PTPN4: variants seen among roughly 807,000 people sequenced by gnomAD.
PTPN4 encodes protein tyrosine phosphatase non-receptor type 4, also known as tyrosine-protein phosphatase non-receptor type 4.
Under a neutral mutation model 135.5 loss-of-function variants are expected in PTPN4, and 49 were observed. The observed-to-expected ratio is 0.36, with a 90% CI of 0.29 to 0.46. The LOEUF (loss-of-function observed/expected upper bound fraction) is 0.46. Ranked by LOEUF, PTPN4 falls within the 20% of genes least tolerant of loss-of-function variation. The probability of loss-of-function intolerance (pLI) is 1.00; values close to 1 mark genes in which losing one functional copy is unlikely to be tolerated. For synonymous variants in PTPN4, 333 were observed against 369.9 expected, an observed-to-expected ratio of 0.90 and a Z score of 1.14; for missense variants, 860 against 1,101.0, an observed-to-expected ratio of 0.78 and a Z score of 3.10.
chr2:119,924,781 C>T (rs1327031331), intron 12 of PTPN4, among the ~76,000 whole-genome samples: 1 of 152,018 alleles, frequency 6.6e-6, no homozygotes, highest in Non-Finnish European at 1.5e-5. Flanking sequence ...AATAGTATCC[C>T]ATTTGAATCT....
intron 1 of PTPN4, among the ~76,000 whole-genome samples, chr2:119,770,079 C>G (rs988158044): frequency 2.0e-5 from 3 of 152,126 alleles, no homozygotes; most frequent in South Asian, 2.1e-4. Flanking sequence ...GAGGGAAATC[C>G]AATCCAGGGC....
chr2:119,884,189 C>T (rs1319214491), intron 8 of PTPN4, among the ~76,000 whole-genome samples: 1 of 152,238 alleles, frequency 6.6e-6, no homozygotes, highest in Non-Finnish European at 1.5e-5. Flanking sequence ...TGAGCCACCA[C>T]GCCCAGCCCC....
chr2:119,931,505 C>T (rs549059741), intron 13 of PTPN4, among the ~76,000 whole-genome samples: 67 of 131,840 alleles, frequency 5.1e-4, no homozygotes, highest in African/African-American at 1.9e-3. Flanking sequence ...TGCAGTGGTG[C>T]TATCACAGCT....
At chr2:119,814,097 G>A (rs990674120) in intron 2 of PTPN4, among the ~76,000 whole-genome samples, 1 of 152,080 alleles carries the variant, frequency 6.6e-6, no homozygotes, top group Non-Finnish European at 1.5e-5. Context: ...ATAAGTGTAT[G>A]TATGTACATG....
intron 2 of PTPN4, among the ~76,000 whole-genome samples, chr2:119,853,223 G>A (rs1340469348): frequency 6.6e-6 from 1 of 152,154 alleles, no homozygotes. Context: ...TGCTGAGAGA[G>A]GGATGTTGAC....
chr2:119,817,657 C>T (rs568706365), intron 2 of PTPN4, among the ~76,000 whole-genome samples: 14 of 152,090 alleles, frequency 9.2e-5, no homozygotes, highest in South Asian at 4.2e-4. Flanking sequence ...GGCTCTTCTT[C>T]GGCTTCATAT....
chr2:119,920,235 G>C lies in PTPN4; in HGVS notation c.995G>C (p.Arg332Pro). 6.2e-7 allele frequency: 1 copy of C among 1,607,600 alleles called. No homozygotes were observed. Among genetic ancestry groups the C allele is most frequent in the Non-Finnish European group, 8.5e-7 (1 of 1,176,000 alleles). Reference protein sequence around the residue: ...AHYFTLGSKFRYCGRTEVQSV... With the variant: ...AHYFTLGSKFPYCGRTEVQSV... ...TATTTTACATTAGGTTCAAAATTCCGGTACTGGTAAGTATTGCTTCTGTGT... is the reference window on the plus strand; with the variant it reads ...TATTTTACATTAGGTTCAAAATTCCCGTACTGGTAAGTATTGCTTCTGTGT... Residue 332 changes from arginine to proline, a missense_variant, in exon 12 of 27, where the codon CGG (arginine) becomes CCG (proline). Around this residue, in one of 2 missense-constraint regions of PTPN4, gnomAD observed 684 missense variants for 807.0 expected, o/e 0.85. Transcript: ENST00000263708.
intron 1 of PTPN4, among the ~76,000 whole-genome samples, chr2:119,774,526 C>A (rs1391424194): frequency 6.6e-6 from 1 of 152,048 alleles, no homozygotes; most frequent in Non-Finnish European, 1.5e-5. Context: ...TAGAAAGGCA[C>A]ACGTATAGAC....
chr2:119,839,738 G>T (rs1265101542), intron 2 of PTPN4, among the ~76,000 whole-genome samples: 1 of 152,082 alleles, frequency 6.6e-6, no homozygotes, highest in Non-Finnish European at 1.5e-5. Flanking sequence ...TGAAATTATT[G>T]TACAAAATAC....
intron 2 of PTPN4, among the ~76,000 whole-genome samples, chr2:119,818,986 C>T (rs1160532660): frequency 2.6e-5 from 4 of 152,330 alleles, no homozygotes; most frequent in South Asian, 2.1e-4. Flanking sequence ...TGTGTACGCA[C>T]ATCCTATGAA....
At position 119,983,754 on chromosome 2, in the gene PTPN4, G is replaced by A. The variant is rs1679727061; in HGVS notation, c.*6684G>A. 1 of 152,172 alleles carries A rather than the reference G, an allele frequency of 6.6e-6. No homozygotes were observed. The highest frequency in any genetic ancestry group is 1.5e-5 in the Non-Finnish European group (1 of 68,034). 9.4% of individuals were successfully genotyped at this position (152,172 alleles called of 1,614,324 possible). On this transcript the variant is annotated 3_prime_UTR_variant, in exon 27 of 27. Transcript: ENST00000263708. ...TTTAAGAGCAACTTGTGTGATCTTA[G>A]CTTTGCAGGTTTTCTGTAATTTATG...
intron 13 of PTPN4, among the ~76,000 whole-genome samples, chr2:119,930,186 T>C (rs543628742): frequency 6.6e-6 from 1 of 152,242 alleles, no homozygotes; most frequent in Admixed American, 6.5e-5. Flanking sequence ...TGGGAAATGT[T>C]CACACCTAAA....
intron 1 of PTPN4, among the ~76,000 whole-genome samples, chr2:119,761,050 A>G (rs189551400): frequency 6.6e-6 from 1 of 152,152 alleles, no homozygotes; most frequent in East Asian, 1.9e-4. Flanking sequence ...ATGTACAAGG[A>G]CGATTTGTAG....
At chr2:119,773,680 G>A (rs1192828987) in intron 1 of PTPN4, among the ~76,000 whole-genome samples, 1 of 149,268 alleles carries the variant, frequency 6.7e-6, no homozygotes, top group Admixed American at 6.7e-5. Context: ...AGGTTGCAGT[G>A]AGCCGAGATC....
intron 16 of PTPN4, 58 bp from the exon 17 acceptor site, chr2:119,946,283 C>T (rs929908593): frequency 7.7e-7 from 1 of 1,301,948 alleles, no homozygotes; most frequent in Non-Finnish European, 1.1e-6. Flanking sequence ...TCCTATATAT[C>T]TGAAGAATAG....
Position 119,957,056 on chromosome 2 carries a change from C to T in PTPN4, c.2112C>T (p.Tyr704=), listed in dbSNP as rs1402058068. The T allele has an allele frequency of 1.2e-6, 2 of 1,609,756 alleles. No individual in the cohort carries two copies. Among genetic ancestry groups the T allele is most frequent in the Admixed American group, 3.4e-5 (2 of 59,584 alleles). The change falls in exon 22 of 27, where the codon TAC becomes TAT. Residue 704 remains tyrosine (Y), a synonymous_variant. Transcript: ENST00000263708. ...TCATTTTAAAAGGTAATGAAGACTA[C>T]ATCAATGCGAACTATATAAATGTAA... The part of the protein sequence containing the change: ...TRVILKGNED[Y]INANYINMEI...
At chr2:119,965,107 C>T (rs1679427039) in intron 24 of PTPN4, among the ~76,000 whole-genome samples, 1 of 152,092 alleles carries the variant, frequency 6.6e-6, no homozygotes, top group African/African-American at 2.4e-5. Context: ...TGGATGAAAT[C>T]ATCAGGAGGT....
intron 1 of PTPN4, among the ~76,000 whole-genome samples, chr2:119,807,702 A>G (rs991292302): frequency 2.6e-5 from 4 of 152,148 alleles, no homozygotes; most frequent in Admixed American, 2.6e-4. Context: ...AGAAAAAGAG[A>G]GAATCCTCCC....
rs1266350396 is a variant in PTPN4 at position 119,921,467 on chromosome 2, G to GGATA, written c.1001+1227_1001+1230dup. ...AAATAACAGTATGAAGCTTAGTACAGGATATGTCACTTGAAATACATGACT... is the reference window on the plus strand; with the variant it reads ...AAATAACAGTATGAAGCTTAGTACAGGATAGATATGTCACTTGAAATACATGACT... On this transcript the variant is annotated intron_variant, in intron 12 of 26. Transcript: ENST00000263708. Among the ~76,000 whole-genome samples, 3 of 152,076 alleles carry GGATA rather than the reference G, an allele frequency of 2.0e-5. 1 individual carries two copies. Among genetic ancestry groups the GGATA allele is most frequent in the Admixed American group, 2.0e-4 (3 of 15,258 alleles).
Sources: gnomAD v4.1 joint callset for allele counts (sites outside exome capture counted in the v4.1 genomes callset) on GRCh38, gnomAD v4.1.1 for gene constraint, gnomAD v4.1.1 regional missense constraint, MANE v1.5 for transcripts, NCBI Gene and HGNC (gene_info 2026-07-23, HGNC 2026-07-21) for gene names.